The following KLF17 variants were observed in gnomAD, a reference collection of about 807,000 sequenced individuals.
KLF17 encodes the protein Krueppel-like factor 17.
Under a neutral mutation model 34.2 loss-of-function variants are expected in KLF17, and 31 were observed. The ratio of observed to expected loss-of-function variants is 0.91; its 90% confidence interval spans 0.68 to 1.22. The LOEUF is 1.22. Ranked by LOEUF, KLF17 falls within the 50% of genes most tolerant of loss-of-function variation. KLF17 has a pLI of 0.00. For synonymous variants in KLF17, 179 were observed against 186.7 expected (o/e 0.96, Z 0.34); for missense variants, 478 against 505.2 (o/e 0.95, Z 0.52).
the KLF17 span, chr1:44,048,223 C>G: frequency 6.6e-6 from 1 of 152,180 alleles, no homozygotes; most frequent in East Asian, 1.9e-4. Flanking sequence ...TTGGAGTAGA[C>G]TAAGGTGACT....
chr1:44,086,335 G>A, the KLF17 span, among the ~76,000 whole-genome samples: 2 of 152,158 alleles, frequency 1.3e-5, no homozygotes, highest in South Asian at 2.1e-4. Flanking sequence ...GCGTGGTGGC[G>A]CATGCCTGTA....
chr1:44,091,627 C>A, the KLF17 span, among the ~76,000 whole-genome samples: 1 of 104,584 alleles, frequency 9.6e-6, no homozygotes. Flanking sequence ...CTGCATGAGA[C>A]TCCATCTCAA....
the KLF17 span, among the ~76,000 whole-genome samples, chr1:44,101,332 G>A: frequency 2.0e-5 from 3 of 152,074 alleles, no homozygotes; most frequent in African/African-American, 7.2e-5. Flanking sequence ...TTTTCCAATT[G>A]TCCTAATAAC....
intron 1 of KLF17, chr1:44,122,133 A>C (rs1363591921): frequency 6.9e-7 from 1 of 1,445,448 alleles, no homozygotes; most frequent in African/African-American, 1.4e-5. Flanking sequence ...ATGACTTTGA[A>C]ACAGTAATCC....
At chr1:44,101,497 C>T in the KLF17 span, 4 of 152,022 alleles carry the variant, frequency 2.6e-5, no homozygotes, top group African/African-American at 9.7e-5. Flanking sequence ...TGTGGAATGT[C>T]CTTTAATTTG....
the KLF17 span, among the ~76,000 whole-genome samples, chr1:44,055,628 C>T: frequency 6.6e-6 from 1 of 152,168 alleles, no homozygotes; most frequent in Non-Finnish European, 1.5e-5. Flanking sequence ...TATTGCTTCT[C>T]AGGTAGACCC....
At chr1:44,086,993 A>C in the KLF17 span, among the ~76,000 whole-genome samples, 1 of 152,244 alleles carries the variant, frequency 6.6e-6, no homozygotes, top group African/African-American at 2.4e-5. Flanking sequence ...AGTCCAGTCA[A>C]CACAGTTGCT....
the KLF17 span, among the ~76,000 whole-genome samples, chr1:44,099,845 GAAAGA>G: frequency 4.2e-4 from 15 of 35,988 alleles, no homozygotes; most frequent in African/African-American, 1.6e-3. Flanking sequence ...AAGAAAGAAA[GAAAGA>G]AAGAAAGAAA....
chr1:44,126,136 G>A (rs905864512), intron 1 of KLF17, among the ~76,000 whole-genome samples: 1 of 152,110 alleles, frequency 6.6e-6, no homozygotes, highest in Non-Finnish European at 1.5e-5. Context: ...CCATTCTCCT[G>A]CCTCAGCCTC....
the KLF17 span, among the ~76,000 whole-genome samples, chr1:44,110,967 A>T: frequency 2.6e-5 from 4 of 151,958 alleles, no homozygotes; most frequent in East Asian, 1.9e-4. Flanking sequence ...AAAAAAAAAT[A>T]ATTTAGTTAA....
At chr1:44,131,696 G>C (rs976968979) in intron 3 of KLF17, among the ~76,000 whole-genome samples, 1 of 152,050 alleles carries the variant, frequency 6.6e-6, no homozygotes, top group Non-Finnish European at 1.5e-5. Flanking sequence ...TAGAAGTGTG[G>C]GGAAATTTAT....
the KLF17 span, among the ~76,000 whole-genome samples, chr1:44,058,803 T>A: frequency 3.3e-5 from 5 of 150,684 alleles, no homozygotes; most frequent in African/African-American, 1.2e-4. Context: ...TCAGATCTCC[T>A]GTTTGATGAA....
At chr1:44,122,725 G>A (rs1270238282) in intron 1 of KLF17, among the ~76,000 whole-genome samples, 4 of 152,076 alleles carry the variant, frequency 2.6e-5, no homozygotes, top group Admixed American at 1.3e-4. Context: ...AGCCTCCCGA[G>A]TAGCTGGGAT....
the KLF17 span, among the ~76,000 whole-genome samples, chr1:44,078,348 A>T: frequency 6.6e-6 from 1 of 152,144 alleles, no homozygotes; most frequent in Non-Finnish European, 1.5e-5. Flanking sequence ...GTCACCTGAC[A>T]CAATGGTAGA....
chr1:44,056,990 A>G, the KLF17 span, among the ~76,000 whole-genome samples: 1 of 152,028 alleles, frequency 6.6e-6, no homozygotes, highest in Non-Finnish European at 1.5e-5. Context: ...ATGTCCCAAG[A>G]AACAGATCCC....
intron 1 of KLF17, among the ~76,000 whole-genome samples, chr1:44,125,859 C>A (rs1381247158): frequency 6.6e-6 from 1 of 151,916 alleles, no homozygotes; most frequent in East Asian, 1.9e-4. Flanking sequence ...GTATTCATAT[C>A]TGGAAGTCTC....
chr1:44,075,115 A>G, the KLF17 span, among the ~76,000 whole-genome samples: 7 of 120,682 alleles, frequency 5.8e-5, no homozygotes, highest in Non-Finnish European at 1.3e-4. Context: ...AACAAAATGC[A>G]CACACACACA....
At chr1:44,044,211 G>T in the KLF17 span, among the ~76,000 whole-genome samples, 1 of 152,250 alleles carries the variant, frequency 6.6e-6, no homozygotes, top group Admixed American at 6.5e-5. Flanking sequence ...TTGGCAGAAG[G>T]CAGGGACACC....
the KLF17 span, among the ~76,000 whole-genome samples, chr1:44,090,909 C>T: frequency 6.0e-5 from 9 of 150,338 alleles, no homozygotes; most frequent in African/African-American, 2.2e-4. Context: ...GATACAATTC[C>T]CACCACACAC....
Sources: allele counts gnomAD v4.1 joint callset (sites outside exome capture counted in the v4.1 genomes callset), GRCh38; gene constraint gnomAD v4.1.1; transcripts MANE v1.5; gene names NCBI Gene and HGNC (gene_info 2026-07-23, HGNC 2026-07-21).